Variants in NAALADL2 observed in about 807,000 individuals in gnomAD.
NAALADL2 encodes the protein inactive N-acetylated-alpha-linked acidic dipeptidase-like protein 2.
A neutral mutation model predicts 87.2 loss-of-function variants in NAALADL2; 76 were observed. The observed-to-expected ratio is 0.87, with a 90% CI of 0.72 to 1.05. NAALADL2 has a LOEUF of 1.05. NAALADL2 is among the 50% of genes least tolerant of loss of function. The pLI is 0.00. For synonymous variants in NAALADL2, 354 were observed against 331.0 expected (o/e 1.07, Z -0.75); for missense variants, 1,089 against 945.8 (o/e 1.15, Z -1.99).
At chr3:174,949,565 A>G (rs553059533) in intron 1 of NAALADL2, among the ~76,000 whole-genome samples, 2 of 152,324 alleles carry the variant, frequency 1.3e-5, no homozygotes, top group African/African-American at 4.8e-5. Flanking sequence ...TTCACACTAC[A>G]TTGACTTTAG....
At chr3:175,107,558 C>T (rs937072239) in intron 2 of NAALADL2, among the ~76,000 whole-genome samples, 10 of 151,268 alleles carry the variant, frequency 6.6e-5, no homozygotes, top group African/African-American at 1.9e-4. Flanking sequence ...ACATCCTATA[C>T]GTTCTGTTTC....
chr3:175,654,257 G>T (rs1056269645), intron 11 of NAALADL2, among the ~76,000 whole-genome samples: 2 of 151,820 alleles, frequency 1.3e-5, no homozygotes, highest in African/African-American at 4.8e-5. Context: ...TTCTAGAATG[G>T]GACACATTTG....
chr3:174,859,274 T>C (rs922863374), upstream of NAALADL2: 2 of 659,296 alleles, frequency 3.0e-6, no homozygotes, highest in Admixed American at 2.6e-5. Flanking sequence ...GGAAGCAGAA[T>C]GGTAATTATT....
At chr3:175,640,808 A>T (rs1299553688) in intron 11 of NAALADL2, among the ~76,000 whole-genome samples, 1 of 152,164 alleles carries the variant, frequency 6.6e-6, no homozygotes, top group Admixed American at 6.5e-5. Context: ...GTTTTTATAT[A>T]AAAAAATTTA....
chr3:174,817,726 C>A (rs377673598), intron 3 of NAALADL2, among the ~76,000 whole-genome samples: 34 of 152,266 alleles, frequency 2.2e-4, no homozygotes, highest in African/African-American at 7.0e-4. Context: ...TTATCACTCT[C>A]CTTAGACTAA....
chr3:174,951,420 C>CA (rs1560404476), intron 1 of NAALADL2, among the ~76,000 whole-genome samples: 2 of 151,732 alleles, frequency 1.3e-5, no homozygotes, highest in Admixed American at 6.6e-5. Flanking sequence ...CTAAAATGAT[C>CA]AAAAAAAGAG....
chr3:174,733,620 G>A (rs1246356272), intron 2 of NAALADL2, among the ~76,000 whole-genome samples: 1 of 152,190 alleles, frequency 6.6e-6, no homozygotes, highest in Non-Finnish European at 1.5e-5. Context: ...GGCTCTTTCT[G>A]TTACCGAAAC....
At chr3:174,904,177 G>A (rs556477438) in intron 1 of NAALADL2, among the ~76,000 whole-genome samples, 27 of 151,840 alleles carry the variant, frequency 1.8e-4, no homozygotes, top group Non-Finnish European at 3.2e-4. Context: ...GGATCAGTAA[G>A]GGGCCAATCT....
chr3:175,781,227 G>A (rs1306738655), intron 13 of NAALADL2, among the ~76,000 whole-genome samples: 1 of 152,058 alleles, frequency 6.6e-6, no homozygotes, highest in Non-Finnish European at 1.5e-5. Context: ...TATTTTTAAT[G>A]GGATTTTGAT....
At chr3:175,281,521 G>A (rs1450171834) in intron 4 of NAALADL2, among the ~76,000 whole-genome samples, 2 of 151,806 alleles carry the variant, frequency 1.3e-5, no homozygotes, top group Non-Finnish European at 2.9e-5. Flanking sequence ...TATTAAAACC[G>A]ATTTTCAGTA....
intron 1 of NAALADL2, among the ~76,000 whole-genome samples, chr3:174,910,140 T>C (rs1239465900): frequency 6.6e-6 from 1 of 151,828 alleles, no homozygotes; most frequent in African/African-American, 2.4e-5. Context: ...GCTTTAAGAA[T>C]AACTTTATTT....
At chr3:175,073,232 T>G (rs1311892121) in intron 1 of NAALADL2, among the ~76,000 whole-genome samples, 1 of 152,092 alleles carries the variant, frequency 6.6e-6, no homozygotes, top group African/African-American at 2.4e-5. Context: ...TAATATCAGA[T>G]TTGTTTGTTT....
intron 4 of NAALADL2, among the ~76,000 whole-genome samples, chr3:175,261,894 T>C (rs984738415): frequency 6.6e-6 from 1 of 152,042 alleles, no homozygotes; most frequent in Admixed American, 6.6e-5. Flanking sequence ...CTTAAGTCCA[T>C]AAAGCATGCT....
intron 13 of NAALADL2, among the ~76,000 whole-genome samples, chr3:175,788,107 T>C (rs76583929): frequency 6.7e-6 from 1 of 149,020 alleles, no homozygotes; most frequent in African/African-American, 2.5e-5. Context: ...TTTTTTTTTT[T>C]TTTGAGACAA....
chr3:175,087,443 G>C (rs570244093), intron 1 of NAALADL2, among the ~76,000 whole-genome samples: 1 of 152,172 alleles, frequency 6.6e-6, no homozygotes, highest in Non-Finnish European at 1.5e-5. Flanking sequence ...CCATGATGAC[G>C]ATGGCGGTTT....
At chr3:174,696,988 C>T (rs1729081409) in intron 2 of NAALADL2, among the ~76,000 whole-genome samples, 1 of 152,018 alleles carries the variant, frequency 6.6e-6, no homozygotes, top group Admixed American at 6.6e-5. Context: ...ATCAAGTAGA[C>T]TCATACAAAA....
intron 1 of NAALADL2, among the ~76,000 whole-genome samples, chr3:174,894,328 C>T (rs762703870): frequency 5.3e-5 from 8 of 152,032 alleles, no homozygotes; most frequent in East Asian, 1.9e-4. Flanking sequence ...CAATGGCTCA[C>T]GCCTGTAATC....
At chr3:175,581,602 A>G (rs1042473903) in intron 10 of NAALADL2, among the ~76,000 whole-genome samples, 1 of 152,226 alleles carries the variant, frequency 6.6e-6, no homozygotes, top group Admixed American at 6.5e-5. Context: ...TTGGAGCTAC[A>G]TTGAAACTTA....
At position 175,303,230 on chromosome 3, in the gene NAALADL2, G is replaced by T. The variant is rs535957289; in HGVS notation, c.940-20945G>T. Among the ~76,000 whole-genome samples the T allele has an allele frequency of 5.3e-5, 8 of 152,190 alleles. No individual in the cohort carries two copies. In the East Asian group the frequency reaches 1.2e-3, roughly 22 times the overall value. ...TTGGCCCCAGAAATCATTGGCAAAA[G>T]GGGATTAATAACACCTATCTTTTAG... On this transcript the variant is annotated intron_variant, in intron 4 of 13. Coordinates refer to ENST00000454872, the MANE Select transcript of NAALADL2 (RefSeq NM_207015.3).
Sources: allele counts gnomAD v4.1 joint callset (sites outside exome capture counted in the v4.1 genomes callset), GRCh38; gene constraint gnomAD v4.1.1; transcripts MANE v1.5; gene names NCBI Gene and HGNC (gene_info 2026-07-23, HGNC 2026-07-21).